Variants in ARHGAP24 observed in about 807,000 individuals in gnomAD.
ARHGAP24 encodes the protein Rho GTPase activating protein 24, also known as rho GTPase-activating protein 24.
In ARHGAP24, 50 loss-of-function variants were observed where a neutral mutation model predicts 76.4. That is an observed-to-expected ratio of 0.65 (90% CI 0.52 to 0.83). The LOEUF is 0.83. Ranked by LOEUF, ARHGAP24 falls within the 40% of genes least tolerant of loss-of-function variation. The probability of loss-of-function intolerance (pLI) is 0.00; values close to 1 mark genes in which losing one functional copy is unlikely to be tolerated. For synonymous variants in ARHGAP24, 345 were observed against 323.3 expected (o/e 1.07, Z -0.72); for missense variants, 930 against 914.2 (o/e 1.02, Z -0.22).
Position 85,632,115 on chromosome 4 carries a change from T to G in ARHGAP24, c.180+61394T>G, listed in dbSNP as rs1218621651. Among the ~76,000 whole-genome samples, 5 of 152,006 alleles carry G rather than the reference T, an allele frequency of 3.3e-5. No homozygotes were observed. The East Asian group carries it at 9.6e-4, about 29-fold the overall frequency. On this transcript the variant is annotated intron_variant, in intron 2 of 9. Transcript: ENST00000395184. Reference sequence around the variant, plus strand: ...ACAGACCATTTAGCTCTTTCTAATTTGTCTTTATCTGGTGTGTTCATTTTT... The same window carrying G: ...ACAGACCATTTAGCTCTTTCTAATTGGTCTTTATCTGGTGTGTTCATTTTT...
chr4:85,933,272 A>T (rs1443219360), intron 4 of ARHGAP24, among the ~76,000 whole-genome samples: 1 of 152,060 alleles, frequency 6.6e-6, no homozygotes, highest in East Asian at 1.9e-4. Context: ...CCACATGTAA[A>T]ATATATATAT....
At chr4:85,969,523 A>G (rs1181421357) in intron 5 of ARHGAP24, among the ~76,000 whole-genome samples, 3 of 151,850 alleles carry the variant, frequency 2.0e-5, no homozygotes, top group African/African-American at 7.3e-5. Flanking sequence ...CCTATGGCTA[A>G]TTGTCATTGA....
At chr4:85,596,563 T>C (rs1033260432) in intron 2 of ARHGAP24, among the ~76,000 whole-genome samples, 1 of 139,748 alleles carries the variant, frequency 7.2e-6, no homozygotes, top group African/African-American at 2.6e-5. Context: ...CCAGTGGTTA[T>C]GAAAAGGCAG....
At chr4:85,502,381 T>A (rs1723857436) in intron 1 of ARHGAP24, among the ~76,000 whole-genome samples, 1 of 152,204 alleles carries the variant, frequency 6.6e-6, no homozygotes, top group African/African-American at 2.4e-5. Context: ...CATTTGTTTG[T>A]GTCCTCTTTT....
intron 2 of ARHGAP24, among the ~76,000 whole-genome samples, chr4:85,624,195 C>A (rs193251217): frequency 0.011 from 1,749 of 152,224 alleles, 36 homozygotes; most frequent in African/African-American, 0.039. Context: ...CAGTTTTTGC[C>A]CATTCAGTAT....
chr4:85,932,961 G>A (rs1736430766), intron 4 of ARHGAP24, among the ~76,000 whole-genome samples: 1 of 152,184 alleles, frequency 6.6e-6, no homozygotes, highest in Non-Finnish European at 1.5e-5. Flanking sequence ...GGCAGCAGCA[G>A]CATGACGCAC....
At chr4:85,907,158 G>A (rs1489934624) in intron 3 of ARHGAP24, among the ~76,000 whole-genome samples, 3 of 152,052 alleles carry the variant, frequency 2.0e-5, no homozygotes, top group African/African-American at 7.2e-5. Context: ...TTCAAATGCT[G>A]TTTTACCCCC....
intron 4 of ARHGAP24, among the ~76,000 whole-genome samples, chr4:85,926,338 TC>T (rs1450095969): frequency 1.3e-5 from 2 of 152,312 alleles, no homozygotes; most frequent in East Asian, 3.9e-4. Context: ...GAATAAATCT[TC>T]TCCTGCCCTC....
chr4:85,981,028 C>T (rs748300729), intron 8 of ARHGAP24, among the ~76,000 whole-genome samples: 1 of 152,166 alleles, frequency 6.6e-6, no homozygotes, highest in African/African-American at 2.4e-5. Context: ...ATTAAATATA[C>T]GACCTTGAGA....
At chr4:85,683,117 T>TTG (rs1723278403) in intron 2 of ARHGAP24, among the ~76,000 whole-genome samples, 1 of 56,948 alleles carries the variant, frequency 1.8e-5, no homozygotes, top group Admixed American at 2.6e-4. Flanking sequence ...TGTGGGGGGG[T>TTG]GGGGGGGGGG....
chr4:85,640,058 T>C (rs1169974983), intron 2 of ARHGAP24, among the ~76,000 whole-genome samples: 4 of 152,096 alleles, frequency 2.6e-5, no homozygotes, highest in African/African-American at 9.7e-5. Context: ...AAGACAGAAA[T>C]GGACTGCCCC....
intron 2 of ARHGAP24, among the ~76,000 whole-genome samples, chr4:85,670,949 C>G (rs1201211591): frequency 1.3e-5 from 2 of 152,128 alleles, no homozygotes; most frequent in African/African-American, 4.8e-5. Flanking sequence ...TTGGAAATCT[C>G]TGGGATTGGG....
chr4:85,981,652 T>C (rs923988320), intron 8 of ARHGAP24, among the ~76,000 whole-genome samples: 2 of 152,234 alleles, frequency 1.3e-5, no homozygotes, highest in South Asian at 2.1e-4. Context: ...TTGATTTTCA[T>C]TGGTCTTTCT....
At chr4:85,570,288 C>T (rs1727068240) in intron 1 of ARHGAP24, among the ~76,000 whole-genome samples, 1 of 152,042 alleles carries the variant, frequency 6.6e-6, no homozygotes, top group South Asian at 2.1e-4. Flanking sequence ...CCTTTCCTTA[C>T]CTTTACTTCC....
intron 3 of ARHGAP24, among the ~76,000 whole-genome samples, chr4:85,834,991 C>T (rs1232068173): frequency 6.6e-6 from 1 of 152,166 alleles, no homozygotes; most frequent in Admixed American, 6.5e-5. Flanking sequence ...AAAAACTTCA[C>T]TCCTTGGCTT....
intron 8 of ARHGAP24, among the ~76,000 whole-genome samples, chr4:85,977,980 C>T (rs1463894859): frequency 2.0e-5 from 3 of 152,178 alleles, no homozygotes; most frequent in Non-Finnish European, 4.4e-5. Context: ...AAAAAACTAC[C>T]TCACTTCGTG....
intron 2 of ARHGAP24, among the ~76,000 whole-genome samples, chr4:85,704,412 T>C (rs1724219327): frequency 6.6e-6 from 1 of 152,164 alleles, no homozygotes; most frequent in African/African-American, 2.4e-5. Flanking sequence ...TAAAATTTAT[T>C]GACCACCATG....
chr4:85,698,751 C>T (rs143837927), intron 2 of ARHGAP24, among the ~76,000 whole-genome samples: 3 of 152,268 alleles, frequency 2.0e-5, no homozygotes, highest in Admixed American at 1.3e-4. Context: ...TGACAAAGAG[C>T]GACCTAGCAA....
chr4:85,475,556 C>G lies in ARHGAP24; in HGVS notation c.-24C>G, dbSNP rs1722543531. ...TCCGGCATCTGTCTTGAGCTCCCAG[C>G]AAGGTAGGTGATGCGGTCGCGAGGA... is the stretch of plus-strand genomic sequence containing the variant. On this transcript the variant is annotated 5_prime_UTR_variant, in exon 1 of 10. Transcript: ENST00000395184. 6.6e-6 allele frequency: 1 copy of G among 151,888 alleles called. No individual in the cohort carries two copies. The highest frequency in any genetic ancestry group is 1.5e-5 in the Non-Finnish European group (1 of 67,926). The allele number at this position is 151,888 out of a possible 1,614,324, so 9.4% of individuals were successfully genotyped here.
Sources: allele counts gnomAD v4.1 joint callset (sites outside exome capture counted in the v4.1 genomes callset), GRCh38; gene constraint gnomAD v4.1.1; transcripts MANE v1.5; gene names NCBI Gene and HGNC (gene_info 2026-07-23, HGNC 2026-07-21).